The following BRAF variants were observed in gnomAD, a reference collection of about 807,000 sequenced individuals.
BRAF encodes serine/threonine-protein kinase B-raf.
BRAF carries 16 observed loss-of-function variants against 104.6 expected under a neutral mutation model. The ratio of observed to expected loss-of-function variants is 0.15; its 90% CI spans 0.10 to 0.23. BRAF has a LOEUF of 0.23. BRAF is among the 10% of genes least tolerant of loss of function. The pLI is 1.00. For missense variants in BRAF, 541 were observed against 937.3 expected (o/e 0.58, Z 5.52); for synonymous variants, 310 against 341.6 (o/e 0.91, Z 1.02).
chr7:140,811,970 T>C (rs1456775056), intron 3 of BRAF, among the ~76,000 whole-genome samples: 1 of 152,200 alleles, frequency 6.6e-6, no homozygotes, highest in African/African-American at 2.4e-5. Flanking sequence ...GTCTTCCGCC[T>C]ATACTAATGC....
chr7:140,825,705 T>C (rs1805974222), intron 3 of BRAF, among the ~76,000 whole-genome samples: 1 of 152,232 alleles, frequency 6.6e-6, no homozygotes, highest in Non-Finnish European at 1.5e-5. Flanking sequence ...TTAACTTAGC[T>C]GAGAGATTTA....
intron 1 of BRAF, among the ~76,000 whole-genome samples, chr7:140,915,066 A>C (rs866279638): frequency 1.3e-4 from 20 of 151,280 alleles, no homozygotes; most frequent in South Asian, 2.1e-4. Flanking sequence ...AAAAAAAAAA[A>C]AAAACCATAC....
rs770468636 is a variant in BRAF, at chr7:140,725,616, T to A, written c.*878A>T. ...ACGGCATTTTGTGCCCTGGACAAAG[T>A]AGCCGCATAAGTAGTTGGTGACTGG... is the stretch of plus-strand genomic sequence containing the variant. On this transcript the variant is annotated 3_prime_UTR_variant, in exon 20 of 20. Coordinates refer to ENST00000644969, the MANE Select transcript of BRAF (RefSeq NM_001374258.1). The A allele has an allele frequency of 9.4e-7, 1 of 1,058,564 alleles. No individual in the cohort carries two copies. The highest frequency in any genetic ancestry group is 1.1e-6 in the Non-Finnish European group (1 of 875,210). The allele number at this position is 1,058,564 out of a possible 1,614,324, so 65.6% of individuals were successfully genotyped here. A position where few individuals can be genotyped will look rare whatever the true frequency, so the allele number is the denominator to read the frequency against.
At chr7:140,807,322 A>T (rs560263647) in intron 5 of BRAF, among the ~76,000 whole-genome samples, 1 of 152,342 alleles carries the variant, frequency 6.6e-6, no homozygotes, top group East Asian at 1.9e-4. Context: ...TGTATGTAAC[A>T]GATTTTTTAT....
intron 1 of BRAF, among the ~76,000 whole-genome samples, chr7:140,866,876 A>G (rs1219385079): frequency 2.6e-5 from 4 of 152,174 alleles, no homozygotes; most frequent in Non-Finnish European, 1.5e-5. Context: ...AGTATTTTTC[A>G]GAGAGCACTT....
intron 14 of BRAF, among the ~76,000 whole-genome samples, chr7:140,763,375 G>A (rs1319687667): frequency 3.4e-5 from 5 of 148,852 alleles, no homozygotes; most frequent in Non-Finnish European, 7.5e-5. Flanking sequence ...GCAGCTGGCT[G>A]GGCAGAGGGG....
chr7:140,762,492 G>A (rs1336262886), intron 14 of BRAF, among the ~76,000 whole-genome samples: 1 of 150,222 alleles, frequency 6.7e-6, no homozygotes, highest in African/African-American at 2.4e-5. Flanking sequence ...AGAAAAGCAA[G>A]AGCAAACACA....
chr7:140,856,066 C>A (rs1175418154), intron 1 of BRAF, among the ~76,000 whole-genome samples: 2 of 150,398 alleles, frequency 1.3e-5, no homozygotes, highest in African/African-American at 4.9e-5. Flanking sequence ...TGAAGAAAGG[C>A]ATCAAACTCT....
chr7:140,794,631 C>A (rs575667447), intron 7 of BRAF, among the ~76,000 whole-genome samples, 164 bp from the exon 8 acceptor site: 1 of 152,050 alleles, frequency 6.6e-6, no homozygotes, highest in African/African-American at 2.4e-5. Flanking sequence ...ATTTAAAAAT[C>A]CAATACTGCC....
intron 12 of BRAF, chr7:140,780,890 T>C (rs1800804988): frequency 6.6e-6 from 1 of 152,250 alleles, no homozygotes; most frequent in South Asian, 2.1e-4. Context: ...TGATAACTAG[T>C]AAGGCTGAAC....
In BRAF at chr7:140,895,871, C is replaced by T. The variant is rs1477634067; in HGVS notation, c.138+28695G>A. 2.0e-5 allele frequency among the ~76,000 whole-genome samples: 3 copies of T among 152,182 alleles called. No individual in the cohort carries two copies. The South Asian group carries it at 6.2e-4, about 32-fold the overall frequency. On this transcript the variant is annotated intron_variant, in intron 1 of 19. Transcript: ENST00000644969. ...TATCTTGGCTACTGTGAATAGTGTG[C>T]TGCAGTAAACATGGGGATGCAAATG...
At chr7:140,844,662 G>C (rs1586377375) in intron 2 of BRAF, among the ~76,000 whole-genome samples, 1 of 152,158 alleles carries the variant, frequency 6.6e-6, no homozygotes, top group Non-Finnish European at 1.5e-5. Context: ...ACAGTGGCTT[G>C]CACCTGTAAT....
chr7:140,804,733 T>C (rs1424513959), intron 5 of BRAF, among the ~76,000 whole-genome samples: 1 of 152,242 alleles, frequency 6.6e-6, no homozygotes, highest in African/African-American at 2.4e-5. Context: ...TAGAACTTCC[T>C]AATCTATTCT....
At chr7:140,837,279 C>T (rs1271224858) in intron 2 of BRAF, among the ~76,000 whole-genome samples, 1 of 152,176 alleles carries the variant, frequency 6.6e-6, no homozygotes, top group Non-Finnish European at 1.5e-5. Flanking sequence ...ACAGTCTTTA[C>T]AAAAGCAATA....
chr7:140,877,530 C>T (rs567281478), intron 1 of BRAF, among the ~76,000 whole-genome samples: 2 of 151,988 alleles, frequency 1.3e-5, no homozygotes, highest in South Asian at 4.1e-4. Flanking sequence ...AAGCAGAAAT[C>T]CATGAGATTG....
rs34394570 is a variant in BRAF, at chr7:140,883,014, GTAAATAAATAAA to G, written c.139-32814_139-32803del. On this transcript the variant is annotated intron_variant, in intron 1 of 19. Coordinates refer to ENST00000644969, the MANE Select transcript of BRAF (RefSeq NM_001374258.1). ...ATCTCAAAAAATAAAATAAAATAAA[GTAAATAAATAAA>G]TAAATAAATAAATAAATAAATAAAG... 1.2e-3 allele frequency among the ~76,000 whole-genome samples: 185 copies of G among 148,752 alleles called. 1 individual carries two copies. Among genetic ancestry groups the G allele is most frequent in the African/African-American group, 3.9e-3 (156 of 40,226 alleles).
intron 1 of BRAF, among the ~76,000 whole-genome samples, chr7:140,868,911 G>A (rs529460250): frequency 6.6e-6 from 1 of 152,282 alleles, no homozygotes; most frequent in African/African-American, 2.4e-5. Context: ...GAGATGATAA[G>A]ATGTGTCAGA....
intron 5 of BRAF, among the ~76,000 whole-genome samples, chr7:140,805,700 A>G (rs1317405429): frequency 1.3e-5 from 2 of 152,202 alleles, no homozygotes; most frequent in Non-Finnish European, 2.9e-5. Flanking sequence ...AGGTTTGGAT[A>G]TAAAAGTTTC....
intron 2 of BRAF, 162 bp from the exon 3 acceptor site, chr7:140,835,034 TC>T: frequency 1.4e-6 from 1 of 737,364 alleles, no homozygotes; most frequent in Non-Finnish European, 2.2e-6. Flanking sequence ...ATGAATACTT[TC>T]ACCTTTAAAT....
Sources: allele counts gnomAD v4.1 joint callset (sites outside exome capture counted in the v4.1 genomes callset), GRCh38; gene constraint gnomAD v4.1.1; transcripts MANE v1.5; gene names NCBI Gene and HGNC (gene_info 2026-07-23, HGNC 2026-07-21).